CHD2: variants seen among roughly 807,000 people sequenced by gnomAD.
CHD2 encodes the protein chromodomain helicase DNA binding protein 2.
In CHD2, 28 loss-of-function variants were observed where a neutral mutation model predicts 243.9. The observed-to-expected ratio is 0.11, with a 90% CI of 0.09 to 0.16. CHD2 has a LOEUF of 0.16. Among genes scored for constraint, CHD2 ranks in the 10% least tolerant of loss-of-function variants. CHD2 has a pLI of 1.00. For missense variants in CHD2, 1,386 were observed against 2,209.8 expected (o/e 0.63, Z 7.47); for synonymous variants, 775 against 779.0 (o/e 0.99, Z 0.09).
At position 93,009,126 on chromosome 15, in the gene CHD2, C is replaced by G; in HGVS notation, c.4414-19C>G. 1.2e-6 allele frequency: 2 copies of G among 1,612,034 alleles called. No homozygotes were observed. The highest frequency in any genetic ancestry group is 1.7e-6 in the Non-Finnish European group (2 of 1,178,660). On this transcript the variant is annotated intron_variant, in intron 34 of 38. Transcript: ENST00000394196. ...TTTCTGCAGATTGTTTATGTCTTTA[C>G]TCTGTTGTCCTGTTGCAGTGTAAGG...
Position 93,014,687 on chromosome 15 carries a change from A to G in CHD2, c.4693-9A>G. On this transcript the variant is annotated splice_polypyrimidine_tract_variant and intron_variant, in intron 36 of 38. Coordinates refer to ENST00000394196, the MANE Select transcript of CHD2 (RefSeq NM_001271.4). The stretch of plus-strand genomic sequence containing the variant: ...TCTTGAGCTTCTTTGGTTTCCTTTT[A>G]CTCTTTAGGAGCAAAAGAAGAAAGA... The G allele has an allele frequency of 6.2e-7, 1 of 1,611,236 alleles. No individual in the cohort carries two copies. Among genetic ancestry groups the G allele is most frequent in the Non-Finnish European group, 8.5e-7 (1 of 1,178,450 alleles).
chr15:92,919,879 C>T (rs1424873633), intron 2 of CHD2, among the ~76,000 whole-genome samples: 1 of 152,190 alleles, frequency 6.6e-6, no homozygotes, highest in East Asian at 1.9e-4. Flanking sequence ...AGCTTCACTA[C>T]TAAGTTTCAG....
intron 26 of CHD2, among the ~76,000 whole-genome samples, chr15:92,988,672 G>A (rs983609536): frequency 6.6e-6 from 1 of 151,856 alleles, no homozygotes; most frequent in Non-Finnish European, 1.5e-5. Flanking sequence ...TGTTTCTCAC[G>A]TGGGATAATC....
intron 38 of CHD2, among the ~76,000 whole-genome samples, chr15:93,023,388 A>G (rs1239892220): frequency 6.6e-6 from 1 of 152,224 alleles, no homozygotes; most frequent in Non-Finnish European, 1.5e-5. Context: ...GTGTGGATAT[A>G]TACCACATTT....
chr15:92,934,645 G>A (rs889405550), intron 5 of CHD2, among the ~76,000 whole-genome samples: 13 of 152,180 alleles, frequency 8.5e-5, no homozygotes, highest in African/African-American at 3.1e-4. Flanking sequence ...TACATCTGTA[G>A]GGTTGGGAAG....
At chr15:92,928,322 C>T (rs573254289) in intron 4 of CHD2, among the ~76,000 whole-genome samples, 184 of 152,206 alleles carry the variant, frequency 1.2e-3, no homozygotes, top group Non-Finnish European at 2.2e-3. Context: ...ATCTTTCCCT[C>T]TTTTACATAT....
At chr15:92,975,544 G>C (rs2053896252) in intron 20 of CHD2, among the ~76,000 whole-genome samples, 1 of 152,152 alleles carries the variant, frequency 6.6e-6, no homozygotes, top group African/African-American at 2.4e-5. Flanking sequence ...GAGAGAAGTG[G>C]GAGAGAAAAG....
chr15:92,971,375 C>A (rs1354625543), intron 17 of CHD2, among the ~76,000 whole-genome samples: 1 of 152,160 alleles, frequency 6.6e-6, no homozygotes, highest in Admixed American at 6.5e-5. Context: ...TTAGGATTCT[C>A]AGCCTTTGTG....
At position 92,975,022 on chromosome 15, in the gene CHD2, T is replaced by C; in HGVS notation, c.2577+72T>C. On this transcript the variant is annotated intron_variant, in intron 20 of 38. Coordinates refer to ENST00000394196, the MANE Select transcript of CHD2 (RefSeq NM_001271.4). The stretch of plus-strand genomic sequence containing the variant: ...CAAGGGGAAAGTCTCTCTCGCTTAA[T>C]GTATTCTGTTTCAGAAACAATTTAT... 15 of 1,240,696 alleles carry C rather than the reference T, an allele frequency of 1.2e-5. No individual in the cohort carries two copies. The South Asian group carries it at 1.8e-4, about 14-fold the overall frequency. 76.9% of individuals were successfully genotyped at this position (1,240,696 alleles called of 1,614,324 possible).
In CHD2 at chr15:93,020,487, T is replaced by C. The variant is rs970704382; in HGVS notation, c.5153+229T>C. On this transcript the variant is annotated intron_variant, in intron 38 of 38. Coordinates refer to ENST00000394196, the MANE Select transcript of CHD2 (RefSeq NM_001271.4). The stretch of plus-strand genomic sequence containing the variant: ...AGGAAAAGAGTTTTCTGCCGTCTTT[T>C]GAGGAAATCTAGTGAAGAGGTCGCC... 4 of 619,274 alleles carry C rather than the reference T, an allele frequency of 6.5e-6. No individual in the cohort carries two copies. The Admixed American group carries it at 1.2e-4, about 18-fold the overall frequency. 38.4% of individuals were successfully genotyped at this position (619,274 alleles called of 1,614,324 possible).
At chr15:92,937,093 A>G (rs2053279228) in intron 5 of CHD2, among the ~76,000 whole-genome samples, 1 of 152,050 alleles carries the variant, frequency 6.6e-6, no homozygotes, top group Non-Finnish European at 1.5e-5. Context: ...GAGCTCCTGG[A>G]CTCAAGTGAA....
chr15:92,965,593 A>AAAC (rs2053750644), intron 16 of CHD2, among the ~76,000 whole-genome samples: 1 of 135,294 alleles, frequency 7.4e-6, no homozygotes, highest in Non-Finnish European at 1.6e-5. Flanking sequence ...AAAAAAAAAA[A>AAAC]AACCAACTCA....
Position 92,919,136 on chromosome 15 carries a change from T to G in CHD2, c.63-5185T>G, listed in dbSNP as rs139198876. ...CTCCCAGAGTGCTGGGATTACAGGCTTGAGCCACCATGCTCGGCCCATAAT... is the reference window on the plus strand; with the variant it reads ...CTCCCAGAGTGCTGGGATTACAGGCGTGAGCCACCATGCTCGGCCCATAAT... On this transcript the variant is annotated intron_variant, in intron 2 of 38. Coordinates refer to ENST00000394196, the MANE Select transcript of CHD2 (RefSeq NM_001271.4). 8.1e-3 allele frequency among the ~76,000 whole-genome samples: 1,224 copies of G among 151,534 alleles called. 56 individuals are homozygous for G. Among genetic ancestry groups the G allele is most frequent in the Admixed American group, 0.069 (1,051 of 15,240 alleles).
Position 92,900,454 on chromosome 15 carries a change from C to T in CHD2, c.-442C>T. The T allele has an allele frequency of 2.5e-6, 1 of 397,450 alleles. No individual in the cohort carries two copies. The highest frequency in any genetic ancestry group is 1.3e-4 in the South Asian group (1 of 7,604). 24.6% of individuals were successfully genotyped at this position (397,450 alleles called of 1,614,324 possible). On this transcript the variant is annotated 5_prime_UTR_variant, in exon 1 of 39. Coordinates refer to ENST00000394196, the MANE Select transcript of CHD2 (RefSeq NM_001271.4). ...CTCAGGGGGCCCCCGTAGCCCCCTG[C>T]CTTTCCTAGGGACTTACTGGGGTCG...
intron 2 of CHD2, among the ~76,000 whole-genome samples, chr15:92,913,369 C>A (rs2052776333): frequency 6.6e-6 from 1 of 152,160 alleles, no homozygotes; most frequent in African/African-American, 2.4e-5. Flanking sequence ...TAAAATGATA[C>A]TTCTAGGCAG....
intron 33 of CHD2, 24 bp from the exon 34 acceptor site, chr15:93,004,593 C>T (rs1184801266): frequency 3.1e-6 from 5 of 1,598,352 alleles, no homozygotes; most frequent in Non-Finnish European, 4.3e-6. Flanking sequence ...ATGACAATGA[C>T]TCCTTGTAAC....
At position 92,985,661 on chromosome 15, in the gene CHD2, C is replaced by G. The variant is rs1054156557; in HGVS notation, c.3401C>G (p.Ala1134Gly). The G allele has an allele frequency of 3.1e-6, 5 of 1,611,216 alleles. No individual in the cohort carries two copies. The highest frequency in any genetic ancestry group is 1.1e-5 in the South Asian group (1 of 91,022). The change falls in exon 26 of 39, where the codon GCA becomes GGA. Residue 1134 changes from alanine (A) to glycine (G), a missense_variant. Around this residue, in one of 19 missense-constraint regions of CHD2, gnomAD observed 18 missense variants for 20.6 expected, o/e 0.88. Coordinates refer to ENST00000394196, the MANE Select transcript of CHD2 (RefSeq NM_001271.4). Reference sequence around the variant, plus strand: ...GACCTCGTGGAGGGATTTACTGATGCAGAGATCCGAAGGTTGGTGGAGGCT... The same window carrying G: ...GACCTCGTGGAGGGATTTACTGATGGAGAGATCCGAAGGTTGGTGGAGGCT... ...RKDLVEGFTD[A>G]EIRRFIKAYK... is the part of the protein sequence containing the mutation.
At position 93,025,541 on chromosome 15, in the gene CHD2, G is replaced by C. The variant is rs1260081823; in HGVS notation, c.*836G>C. 6.6e-6 allele frequency: 1 copy of C among 152,620 alleles called. No homozygotes were observed. Among genetic ancestry groups the C allele is most frequent in the Non-Finnish European group, 1.5e-5 (1 of 68,084 alleles). The allele number at this position is 152,620 out of a possible 1,614,324, so 9.5% of individuals were successfully genotyped here. On this transcript the variant is annotated 3_prime_UTR_variant, in exon 39 of 39. Coordinates refer to ENST00000394196, the MANE Select transcript of CHD2 (RefSeq NM_001271.4). The stretch of plus-strand genomic sequence containing the variant: ...GTCTTACTTGACTGGGGAGTAGGCT[G>C]AGTGAGGGGTAGGGTGGGGTAGGTG...
At chr15:92,952,762 C>G (rs956392791) in intron 13 of CHD2, among the ~76,000 whole-genome samples, 2 of 152,200 alleles carry the variant, frequency 1.3e-5, no homozygotes, top group Non-Finnish European at 2.9e-5. Flanking sequence ...GTCAGAATCT[C>G]CAAAGGTGTT....
Sources: gnomAD v4.1 joint callset for allele counts (sites outside exome capture counted in the v4.1 genomes callset) on GRCh38, gnomAD v4.1.1 for gene constraint, gnomAD v4.1.1 regional missense constraint, MANE v1.5 for transcripts, NCBI Gene and HGNC (gene_info 2026-07-23, HGNC 2026-07-21) for gene names.